POU2F3: variants seen among roughly 807,000 people sequenced by gnomAD.
The protein encoded by POU2F3 is POU domain, class 2, transcription factor 3.
POU2F3 carries 23 observed loss-of-function variants against 59.2 expected under a neutral mutation model. That is an observed-to-expected ratio of 0.39 (90% CI 0.28 to 0.55). The LOEUF (loss-of-function observed/expected upper bound fraction) is 0.55, where lower values mean the gene tolerates loss of function less well. Ranked by LOEUF, POU2F3 falls within the 20% of genes least tolerant of loss-of-function variation. POU2F3 has a pLI of 0.66. For missense variants in POU2F3, 473 were observed against 544.5 expected (o/e 0.87, Z 1.31); for synonymous variants, 190 against 214.6 (o/e 0.89, Z 1.00).
chr11:120,272,995 C>T (rs1211078477), intron 3 of POU2F3, among the ~76,000 whole-genome samples: 1 of 152,200 alleles, frequency 6.6e-6, no homozygotes. Flanking sequence ...GGTGTCATTA[C>T]TTATCTCTTG....
At chr11:120,286,667 C>A (rs1940792502) in intron 3 of POU2F3, among the ~76,000 whole-genome samples, 1 of 152,130 alleles carries the variant, frequency 6.6e-6, no homozygotes, top group Non-Finnish European at 1.5e-5. Flanking sequence ...AACTTATACG[C>A]TCTTTGAGTC....
intron 6 of POU2F3, chr11:120,302,826 C>T (rs1248100457): frequency 6.4e-6 from 1 of 156,590 alleles, no homozygotes; most frequent in East Asian, 1.9e-4. Flanking sequence ...AGATTGCCTC[C>T]TGCAGTGGGC....
chr11:120,289,062 C>A (rs927088507), intron 3 of POU2F3, among the ~76,000 whole-genome samples: 3 of 152,116 alleles, frequency 2.0e-5, no homozygotes, highest in Non-Finnish European at 4.4e-5. Context: ...TAAGAATTCG[C>A]TTTTAAAAAT....
intron 3 of POU2F3, among the ~76,000 whole-genome samples, chr11:120,281,577 T>G (rs1940572298): frequency 6.6e-6 from 1 of 151,968 alleles, no homozygotes; most frequent in African/African-American, 2.4e-5. Flanking sequence ...ACCAAAGCCC[T>G]CTTGGCTCCC....
Position 120,259,938 on chromosome 11 carries a change from G to T in POU2F3, c.98-9272G>T, listed in dbSNP as rs570272503. On this transcript the variant is annotated intron_variant, in intron 2 of 12. Transcript: ENST00000543440. ...GTTTTGGGCTGGTTTAAATGACCAC[G>T]CTGGAAGCTTCTCCATTTGTTCTGG... Among the ~76,000 whole-genome samples, 4 of 152,326 alleles carry T rather than the reference G, an allele frequency of 2.6e-5. 1 individual carries two copies. The highest frequency in any genetic ancestry group is 9.6e-5 in the African/African-American group (4 of 41,576).
At chr11:120,305,305 G>C (rs191997417) in intron 7 of POU2F3, 93 bp downstream of exon 7, 6 of 1,420,416 alleles carry the variant, frequency 4.2e-6, no homozygotes, top group Non-Finnish European at 3.8e-6. Flanking sequence ...CCAGAGGCTC[G>C]ATGTGTTTGG....
intron 3 of POU2F3, among the ~76,000 whole-genome samples, chr11:120,295,160 T>C (rs1941157452): frequency 6.6e-6 from 1 of 152,222 alleles, no homozygotes; most frequent in Admixed American, 6.5e-5. Flanking sequence ...GTGCGTTTTC[T>C]TTTATGATGG....
Position 120,240,634 on chromosome 11 carries a change from G to T in POU2F3, c.28+263G>T, listed in dbSNP as rs1035675777. 6.6e-5 allele frequency among the ~76,000 whole-genome samples: 10 copies of T among 152,256 alleles called. No homozygotes were observed. The East Asian group carries it at 1.7e-3, about 27-fold the overall frequency. Reference sequence around the variant, plus strand: ...GGCTTCGAAGCCCCCGGTCTGGGGAGTGGCAGTTGTATGGGACGTGGGTGT... The same window carrying T: ...GGCTTCGAAGCCCCCGGTCTGGGGATTGGCAGTTGTATGGGACGTGGGTGT... On this transcript the variant is annotated intron_variant, in intron 1 of 12. Transcript: ENST00000543440.
At chr11:120,315,238 G>A (rs1941754392) in intron 10 of POU2F3, 123 bp from the exon 11 acceptor site, 8 of 878,136 alleles carry the variant, frequency 9.1e-6, no homozygotes, top group African/African-American at 1.7e-5. Context: ...TGTAGGCTAG[G>A]AAATCACCAA....
At chr11:120,307,742 C>T (rs1941538602) in intron 9 of POU2F3, 127 bp downstream of exon 9, 1 of 1,253,738 alleles carries the variant, frequency 8.0e-7, no homozygotes, top group East Asian at 2.4e-5. Context: ...GATCAGAAAA[C>T]ACATTATCCC....
At chr11:120,308,255 C>T (rs1223361478) in intron 9 of POU2F3, among the ~76,000 whole-genome samples, 1 of 152,180 alleles carries the variant, frequency 6.6e-6, no homozygotes, top group African/African-American at 2.4e-5. Context: ...GAGGGAGAAA[C>T]AGATGTGGCC....
chr11:120,243,606 C>T (rs554870142), intron 1 of POU2F3, among the ~76,000 whole-genome samples: 2 of 152,298 alleles, frequency 1.3e-5, no homozygotes, highest in South Asian at 2.1e-4. Context: ...CCCCACCCCA[C>T]ACCTCTCTCA....
chr11:120,257,701 G>A (rs1267931535), intron 2 of POU2F3, among the ~76,000 whole-genome samples: 3 of 152,180 alleles, frequency 2.0e-5, no homozygotes, highest in Admixed American at 1.3e-4. Flanking sequence ...ACCCCTCTGA[G>A]CCTCACTTTG....
chr11:120,247,338 G>A (rs1465863983), intron 2 of POU2F3, among the ~76,000 whole-genome samples: 2 of 152,156 alleles, frequency 1.3e-5, no homozygotes, highest in Non-Finnish European at 2.9e-5. Context: ...ATGTCCCCCA[G>A]AGCTAAAATC....
intron 3 of POU2F3, among the ~76,000 whole-genome samples, chr11:120,273,956 G>T (rs374119999): frequency 6.6e-6 from 1 of 151,596 alleles, no homozygotes; most frequent in Non-Finnish European, 1.5e-5. Flanking sequence ...AGGTGGAGGT[G>T]GCAGTGAACT....
chr11:120,254,924 A>C (rs2135151970), intron 2 of POU2F3: 1 of 152,360 alleles, frequency 6.6e-6, no homozygotes, highest in Non-Finnish European at 1.5e-5. Flanking sequence ...CCAAGCCAGG[A>C]GCATGGGAAA....
chr11:120,262,871 C>G (rs983225704), intron 2 of POU2F3, among the ~76,000 whole-genome samples: 3 of 152,068 alleles, frequency 2.0e-5, no homozygotes, highest in Non-Finnish European at 2.9e-5. Flanking sequence ...CCTAATAAAA[C>G]TTTTGGTTGG....
intron 2 of POU2F3, among the ~76,000 whole-genome samples, chr11:120,265,054 G>C (rs1281098591): frequency 6.6e-6 from 1 of 152,214 alleles, no homozygotes; most frequent in Admixed American, 6.5e-5. Flanking sequence ...ACCATCTGCA[G>C]TTCCCAGGTA....
intron 3 of POU2F3, among the ~76,000 whole-genome samples, chr11:120,277,225 A>G (rs1176547081): frequency 6.6e-6 from 1 of 152,008 alleles, no homozygotes. Flanking sequence ...CAGGAGGCAG[A>G]GGTTACAGTG....
Sources: allele counts gnomAD v4.1 joint callset (sites outside exome capture counted in the v4.1 genomes callset), GRCh38; gene constraint gnomAD v4.1.1; transcripts MANE v1.5; gene names NCBI Gene and HGNC (gene_info 2026-07-23, HGNC 2026-07-21).